The following ARHGAP23 variants were observed in gnomAD, a reference collection of about 807,000 sequenced individuals.
ARHGAP23 encodes the protein Rho GTPase activating protein 23.
A neutral mutation model predicts 136.3 loss-of-function variants in ARHGAP23; 34 were observed. That is an observed-to-expected ratio of 0.25 (90% CI 0.19 to 0.33). The LOEUF (loss-of-function observed/expected upper bound fraction) is 0.33. Among genes scored for constraint, ARHGAP23 ranks in the 10% least tolerant of loss-of-function variants. The pLI, the probability that ARHGAP23 is intolerant of heterozygous loss-of-function variation, is 1.00. For synonymous variants in ARHGAP23, 832 were observed against 920.5 expected, an observed-to-expected ratio of 0.90 and a Z score of 1.74; for missense variants, 1,808 against 2,139.0, an observed-to-expected ratio of 0.85 and a Z score of 3.05.
intron 11 of ARHGAP23, among the ~76,000 whole-genome samples, chr17:38,474,009 C>T (rs538994229): frequency 1.3e-5 from 2 of 152,274 alleles, no homozygotes; most frequent in Non-Finnish European, 2.9e-5. Context: ...CAACCTCCGC[C>T]CCCCAGGTTC....
chr17:38,507,534 C>T (rs954544843), intron 23 of ARHGAP23, among the ~76,000 whole-genome samples: 1 of 152,182 alleles, frequency 6.6e-6, no homozygotes, highest in African/African-American at 2.4e-5. Flanking sequence ...TGTGAATCTG[C>T]TGACCTCTGC....
Position 38,466,572 on chromosome 17 carries a change from C to T in ARHGAP23, c.889C>T (p.Pro297Ser), listed in dbSNP as rs1190922374. ...GTCACACTGGCTGTCAAACCAGGTA[C>T]CCCGCCGGGCGGGGGAGAGACGGTG... ...ALSHWLSNQV[P>S]RRAGERRCPA... is the part of the protein sequence containing the mutation. The change falls in exon 7 of 24, where the codon CCC (proline) becomes TCC (serine). Residue 297 changes from proline (P) to serine (S), a missense_variant. Pro to Ser is a moderately conservative substitution (Grantham distance 74). Transcript: ENST00000622683. 2 of 1,490,658 alleles carry T rather than the reference C, an allele frequency of 1.3e-6. No homozygotes were observed. Among genetic ancestry groups the T allele is most frequent in the Admixed American group, 4.5e-5 (2 of 43,982 alleles). The allele number at this position is 1,490,658 out of a possible 1,614,324, so 92.3% of individuals were successfully genotyped here.
At chr17:38,471,486 A>C (rs896402883) in intron 10 of ARHGAP23, among the ~76,000 whole-genome samples, 13 of 152,084 alleles carry the variant, frequency 8.5e-5, no homozygotes, top group African/African-American at 2.4e-4. Context: ...TGCTCCACTC[A>C]CTCAGCCTTT....
At chr17:38,486,277 G>A in intron 17 of ARHGAP23, 137 bp downstream of exon 17, 1 of 821,538 alleles carries the variant, frequency 1.2e-6, no homozygotes, top group South Asian at 1.7e-5. Flanking sequence ...GCCCAGGCTG[G>A]AGTGCAGTGG....
chr17:38,498,780 C>G (rs1439201845), intron 22 of ARHGAP23, among the ~76,000 whole-genome samples: 1 of 152,182 alleles, frequency 6.6e-6, no homozygotes, highest in African/African-American at 2.4e-5. Context: ...TTTCCTCAGC[C>G]TTTAATTTCT....
chr17:38,506,368 C>T (rs2040634535), intron 23 of ARHGAP23, among the ~76,000 whole-genome samples: 1 of 152,204 alleles, frequency 6.6e-6, no homozygotes, highest in Non-Finnish European at 1.5e-5. Context: ...TGAGACAGAA[C>T]CCGTTAGGAG....
At position 38,478,171 on chromosome 17, in the gene ARHGAP23, C is replaced by G. The variant is rs114091570; in HGVS notation, c.2436+275C>G. 4.8e-3 allele frequency among the ~76,000 whole-genome samples: 726 copies of G among 152,292 alleles called. 5 individuals carry two copies. Among genetic ancestry groups the G allele is most frequent in the African/African-American group, 0.017 (697 of 41,554 alleles). ...ATGATTGTGACTGTGTTAGGATCGC[C>G]TTGAGCAGGCTCCGGTGTGGAGTGG... On this transcript the variant is annotated intron_variant, in intron 12 of 23. Coordinates refer to ENST00000622683, the MANE Select transcript of ARHGAP23 (RefSeq NM_001199417.2).
chr17:38,453,422 C>CGTGTGTGTGT (rs1161809844), intron 1 of ARHGAP23, among the ~76,000 whole-genome samples: 3 of 116,588 alleles, frequency 2.6e-5, no homozygotes, highest in Non-Finnish European at 5.2e-5. Flanking sequence ...CGTATGCGTG[C>CGTGTGTGTGT]GTGTGTGTGT....
chr17:38,480,646 A>C (rs551820943), intron 14 of ARHGAP23, among the ~76,000 whole-genome samples: 7 of 150,716 alleles, frequency 4.6e-5, no homozygotes, highest in Non-Finnish European at 1.0e-4. Context: ...AAAAAAAAAT[A>C]CAATAAAAGT....
At chr17:38,434,523 C>T (rs986321908) in intron 1 of ARHGAP23, among the ~76,000 whole-genome samples, 4 of 152,214 alleles carry the variant, frequency 2.6e-5, no homozygotes, top group African/African-American at 9.6e-5. Context: ...GGGCCGAGGC[C>T]TGAGGGATAG....
intron 6 of ARHGAP23, among the ~76,000 whole-genome samples, 170 bp downstream of exon 6, chr17:38,463,552 C>T (rs1171392657): frequency 6.6e-6 from 1 of 152,180 alleles, no homozygotes; most frequent in South Asian, 2.1e-4. Flanking sequence ...TTCGGAGCTG[C>T]TCTGTGCTGG....
chr17:38,469,559 C>G lies in ARHGAP23; in HGVS notation c.1840C>G (p.Leu614Val), dbSNP rs1406227057. The G allele has an allele frequency of 6.5e-7, 1 of 1,548,558 alleles. No individual in the cohort carries two copies. The highest frequency in any genetic ancestry group is 1.4e-5 in the African/African-American group (1 of 72,974). Residue 614 changes from leucine to valine, a missense_variant, in exon 9 of 24, where the codon CTG (leucine) becomes GTG (valine). By Grantham distance (32) the Leu-to-Val change is conservative. Coordinates refer to ENST00000622683, the MANE Select transcript of ARHGAP23 (RefSeq NM_001199417.2). Reference protein sequence around the residue: ...IKAGRRSSYLLAITTERSKSC... With the variant: ...IKAGRRSSYLVAITTERSKSC... Reference sequence around the variant, plus strand: ...GGCTGGCCGCCGCTCCTCCTACCTGCTGGCCATCACCACGGAGCGCTCCAA... The same window carrying G: ...GGCTGGCCGCCGCTCCTCCTACCTGGTGGCCATCACCACGGAGCGCTCCAA...
intron 3 of ARHGAP23, 41 bp downstream of exon 3, chr17:38,460,973 C>T: frequency 2.0e-6 from 3 of 1,533,214 alleles, no homozygotes; most frequent in African/African-American, 1.4e-5. Context: ...CACGGGACTC[C>T]TCTTCCAGCT....
Position 38,466,680 on chromosome 17 carries a change from A to G in ARHGAP23, c.997A>G (p.Thr333Ala). Residue 333 changes from threonine to alanine, a missense_variant, in exon 7 of 24, where the codon ACC (threonine) becomes GCC (alanine). By Grantham distance (58) the Thr-to-Ala change is moderately conservative. This residue lies in a region of ARHGAP23 where 859 missense variants were observed against 936.4 expected (regional missense o/e 0.92). Coordinates refer to ENST00000622683, the MANE Select transcript of ARHGAP23 (RefSeq NM_001199417.2). ...TGCCCCCCGCCCGTGGCCCTGCTCC[A>G]CCTCCCAGGATGCTTTGAGCCAGCT... ...VAAPRPWPCS[T>A]SQDALSQLGQ... is the part of the protein sequence containing the mutation. 1 of 1,518,784 alleles carries G rather than the reference A, an allele frequency of 6.6e-7. No individual in the cohort carries two copies. The highest frequency in any genetic ancestry group is 1.3e-5 in the South Asian group (1 of 79,484). 94.1% of individuals were successfully genotyped at this position (1,518,784 alleles called of 1,614,324 possible). A position where few individuals can be genotyped will look rare whatever the true frequency, so the allele number is the denominator to read the frequency against.
chr17:38,449,838 C>A (rs1037383610), intron 1 of ARHGAP23, among the ~76,000 whole-genome samples: 1 of 152,186 alleles, frequency 6.6e-6, no homozygotes, highest in Non-Finnish European at 1.5e-5. Context: ...GAGTGCTGAG[C>A]AAGCTGGAGG....
intron 1 of ARHGAP23, among the ~76,000 whole-genome samples, chr17:38,420,449 A>G (rs2038509375): frequency 1.3e-5 from 2 of 152,118 alleles, no homozygotes; most frequent in Non-Finnish European, 2.9e-5. Flanking sequence ...GTTCTGCCTA[A>G]AGCAGTGGCT....
intron 17 of ARHGAP23, among the ~76,000 whole-genome samples, chr17:38,486,575 A>G (rs992478367): frequency 1.3e-5 from 2 of 150,198 alleles, no homozygotes; most frequent in Admixed American, 1.3e-4. Flanking sequence ...AGCTTATTTA[A>G]AAAACATAGA....
intron 7 of ARHGAP23, among the ~76,000 whole-genome samples, chr17:38,468,924 T>C (rs990615329): frequency 1.3e-5 from 2 of 152,158 alleles, no homozygotes; most frequent in Non-Finnish European, 1.5e-5. Context: ...GAGCCCGGTC[T>C]AAGGAGGGTG....
At chr17:38,508,890 G>A (rs1236803782) in intron 23 of ARHGAP23, among the ~76,000 whole-genome samples, 2 of 152,012 alleles carry the variant, frequency 1.3e-5, no homozygotes, top group Non-Finnish European at 2.9e-5. Flanking sequence ...GAAGAGTCCC[G>A]GAGCTCAAGT....
Sources: gnomAD v4.1 joint callset for allele counts (sites outside exome capture counted in the v4.1 genomes callset) on GRCh38, gnomAD v4.1.1 for gene constraint, gnomAD v4.1.1 regional missense constraint, MANE v1.5 for transcripts, NCBI Gene and HGNC (gene_info 2026-07-23, HGNC 2026-07-21) for gene names.